CYP2A7: variants seen among roughly 807,000 people sequenced by gnomAD.
The protein encoded by CYP2A7 is cytochrome P450 family 2 subfamily A member 7.
Under a neutral mutation model 42.0 loss-of-function variants are expected in CYP2A7, and 36 were observed. That is an observed-to-expected ratio of 0.86 (90% CI 0.66 to 1.13). The LOEUF is 1.13. Among genes scored for constraint, CYP2A7 ranks in the 50% most tolerant of loss-of-function variants. The pLI, the probability that CYP2A7 is intolerant of heterozygous loss-of-function variation, is 0.00. For missense variants in CYP2A7, 661 were observed against 634.1 expected (o/e 1.04, Z -0.46); for synonymous variants, 260 against 249.5 (o/e 1.04, Z -0.40).
Position 40,880,248 on chromosome 19 carries a change from C to T in CYP2A7, c.494-4G>A, listed in dbSNP as rs758503022. Reference sequence around the variant, plus strand: ...AAGGTGGGATCGATATTGGCGCCTGCGGGTGTGGAGGGAGAAGGGGGTTGG... The same window carrying T: ...AAGGTGGGATCGATATTGGCGCCTGTGGGTGTGGAGGGAGAAGGGGGTTGG... On this transcript the variant is annotated splice_polypyrimidine_tract_variant and splice_region_variant and intron_variant, in intron 3 of 8. Coordinates refer to ENST00000301146, the MANE Select transcript of CYP2A7 (RefSeq NM_000764.3). 9.3e-6 allele frequency: 15 copies of T among 1,612,100 alleles called. No homozygotes were observed. The highest frequency in any genetic ancestry group is 4.5e-5 in the East Asian group (2 of 44,856).
Position 40,875,965 on chromosome 19 carries a change from G to A in CYP2A7, c.1304-91C>T, listed in dbSNP as rs1908048178. On this transcript the variant is annotated intron_variant, in intron 8 of 8. Transcript: ENST00000301146. ...GACCTCCAGCTGCGGCTCTCCCAGGGAGGAGGGGTGGAATATTATGGCCTG... is the reference window on the plus strand; with the variant it reads ...GACCTCCAGCTGCGGCTCTCCCAGGAAGGAGGGGTGGAATATTATGGCCTG... The A allele has an allele frequency of 8.1e-6, 12 of 1,484,022 alleles. No homozygotes were observed. In the South Asian group the frequency reaches 8.2e-5, roughly 10 times the overall value. The allele number at this position is 1,484,022 out of a possible 1,614,324, so 91.9% of individuals were successfully genotyped here.
Position 40,882,156 on chromosome 19 carries a change from C to A in CYP2A7, c.55G>T (p.Val19Phe). The change falls in exon 1 of 9, where the codon GTC (valine) becomes TTC (phenylalanine). Residue 19 changes from valine (V) to phenylalanine (F), a missense_variant. By Grantham distance (50) the Val-to-Phe change is conservative (BLOSUM62 -1). This residue lies in a region of CYP2A7 where 614 missense variants were observed against 552.4 expected (regional missense o/e 1.11). Coordinates refer to ENST00000301146, the MANE Select transcript of CYP2A7 (RefSeq NM_000764.3). The part of the protein sequence containing the change: ...VALLACLTVM[V>F]LMSVWQQRKS... ...CTCTGCTGCCAGACAGACATCAAGA[C>A]CATCACAGTCAGGCAGGCCAGCAAG... 1 of 1,613,976 alleles carries A rather than the reference C, an allele frequency of 6.2e-7. No individual in the cohort carries two copies. The highest frequency in any genetic ancestry group is 1.3e-5 in the African/African-American group (1 of 75,022).
intron 7 of CYP2A7, 200 bp downstream of exon 7, chr19:40,876,990 C>A: frequency 1.5e-6 from 1 of 676,044 alleles, no homozygotes. Flanking sequence ...TTGATTCTCC[C>A]GACACAAAGA....
Position 40,881,619 on chromosome 19 carries a change from C to T in CYP2A7, c.313G>A (p.Ala105Thr). ...CCTTTGAAGACCCAGTCGAAGGTGG[C>T]TTGCTCGCCTCGCCCGCTGAACTCC... ...AEEFSGRGEQ[A>T]TFDWVFKGYG... Residue 105 changes from alanine to threonine, a missense_variant, in exon 2 of 9, where the codon GCC becomes ACC. Physicochemically the swap from Ala to Thr is moderately conservative, Grantham distance 58. This residue lies in a region of CYP2A7 where 614 missense variants were observed against 552.4 expected (regional missense o/e 1.11). Coordinates refer to ENST00000301146, the MANE Select transcript of CYP2A7 (RefSeq NM_000764.3). The T allele has an allele frequency of 6.2e-7, 1 of 1,612,438 alleles. No homozygotes were observed. Among genetic ancestry groups the T allele is most frequent in the South Asian group, 1.1e-5 (1 of 90,960 alleles).
rs1458100034 is a variant in CYP2A7, at chr19:40,880,710, G to A, written c.344-82C>T. 4 of 1,476,372 alleles carry A rather than the reference G, an allele frequency of 2.7e-6. 1 individual carries two copies. Among genetic ancestry groups the A allele is most frequent in the Non-Finnish European group, 3.6e-6 (4 of 1,099,944 alleles). 91.5% of individuals were successfully genotyped at this position (1,476,372 alleles called of 1,614,324 possible). A position where few individuals can be genotyped will look rare whatever the true frequency, so the allele number is the denominator to read the frequency against. On this transcript the variant is annotated intron_variant, in intron 2 of 8. Coordinates refer to ENST00000301146, the MANE Select transcript of CYP2A7 (RefSeq NM_000764.3). ...GACCAGTTCCAAGGGGCTCCCCAAG[G>A]GTGGAGCAGAGGGGTAGTGGGGTGG... is the stretch of plus-strand genomic sequence containing the variant.
chr19:40,877,762 T>C lies in CYP2A7; in HGVS notation c.973+90A>G, dbSNP rs574506125. On this transcript the variant is annotated intron_variant, in intron 6 of 8. Transcript: ENST00000301146. Reference sequence around the variant, plus strand: ...GACAGCAAGGCACGTCTCAGGGTCCTGGGATCTGGGACAGGTAGGGACATT... The same window carrying C: ...GACAGCAAGGCACGTCTCAGGGTCCCGGGATCTGGGACAGGTAGGGACATT... 159 of 1,517,368 alleles carry C rather than the reference T, an allele frequency of 1.0e-4. 3 individuals are homozygous for C. Among genetic ancestry groups the C allele is most frequent in the Admixed American group, 9.2e-4 (42 of 45,520 alleles). 94.0% of individuals were successfully genotyped at this position (1,517,368 alleles called of 1,614,324 possible).
chr19:40,878,881 G>A lies in CYP2A7; in HGVS notation c.710C>T (p.Ala237Val). 3 of 1,610,298 alleles carry A rather than the reference G, an allele frequency of 1.9e-6. No homozygotes were observed. Among genetic ancestry groups the A allele is most frequent in the African/African-American group, 1.3e-5 (1 of 74,934 alleles). The change falls in exon 5 of 9, where the codon GCC (alanine) becomes GTC (valine). Residue 237 changes from alanine to valine, a missense_variant. By Grantham distance (64) the Ala-to-Val change is moderately conservative. Around this residue, in one of 3 missense-constraint regions of CYP2A7, gnomAD observed 614 missense variants for 552.4 expected, o/e 1.11. Transcript: ENST00000301146. ...MKHLPGPQQQ[A>V]FKLLQGLEDF... Reference sequence around the variant, plus strand: ...CTCCAGCCCTTGCAGCAACTTAAAGGCCTGTTGCTGTGGTCCTGGCAGGTG... The same window carrying A: ...CTCCAGCCCTTGCAGCAACTTAAAGACCTGTTGCTGTGGTCCTGGCAGGTG...
Position 40,880,405 on chromosome 19 carries a change from G to T in CYP2A7, c.493+74C>A. The T allele has an allele frequency of 1.9e-6, 3 of 1,573,710 alleles. 1 individual carries two copies. Among genetic ancestry groups the T allele is most frequent in the Non-Finnish European group, 2.6e-6 (3 of 1,155,810 alleles). On this transcript the variant is annotated intron_variant, in intron 3 of 8. Coordinates refer to ENST00000301146, the MANE Select transcript of CYP2A7 (RefSeq NM_000764.3). ...TTTCCCCACCTAGTCCCCATCCGCA[G>T]GCAGAACGCGCGCGGGTTCCTCGTC... is the stretch of plus-strand genomic sequence containing the variant.
chr19:40,877,489 T>C lies in CYP2A7; in HGVS notation c.974-112A>G, dbSNP rs958320157. Reference sequence around the variant, plus strand: ...TACGGCTCCCCCTATGAGACGGAGGTAGAGCATTCATAACAGAACAGACAT... The same window carrying C: ...TACGGCTCCCCCTATGAGACGGAGGCAGAGCATTCATAACAGAACAGACAT... On this transcript the variant is annotated intron_variant, in intron 6 of 8. Transcript: ENST00000301146. 5.4e-6 allele frequency: 8 copies of C among 1,473,870 alleles called. 1 individual carries two copies. Among genetic ancestry groups the C allele is most frequent in the Non-Finnish European group, 7.4e-6 (8 of 1,087,784 alleles). The allele number at this position is 1,473,870 out of a possible 1,614,324, so 91.3% of individuals were successfully genotyped here.
Position 40,875,515 on chromosome 19 carries a change from G to A in CYP2A7, c.*178C>T. ...TTTCCCTTCCTCTCATCCCAGCTCG[G>A]AAGCACCTTATCAAGGTGAACTGAG... On this transcript the variant is annotated 3_prime_UTR_variant, in exon 9 of 9. Transcript: ENST00000301146. The A allele has an allele frequency of 1.4e-6, 1 of 695,550 alleles. No homozygotes were observed. Among genetic ancestry groups the A allele is most frequent in the Non-Finnish European group, 2.4e-6 (1 of 411,124 alleles). 43.1% of individuals were successfully genotyped at this position (695,550 alleles called of 1,614,324 possible).
At position 40,877,310 on chromosome 19, in the gene CYP2A7, G is replaced by T. The variant is rs2302986; in HGVS notation, c.1041C>A (p.Thr347=). ...TCACTGCCTCCATGTAGGGCATCTT[G>T]GTCCGGTCCTCAAACTTGGGCTGCC... ...KNRQPKFEDR[T]KMPYMEAVIH... Residue 347 remains threonine, a synonymous_variant, in exon 7 of 9, where the codon ACC becomes ACA. Coordinates refer to ENST00000301146, the MANE Select transcript of CYP2A7 (RefSeq NM_000764.3). The T allele has an allele frequency of 6.2e-7, 1 of 1,612,570 alleles. No individual in the cohort carries two copies. The highest frequency in any genetic ancestry group is 8.5e-7 in the Non-Finnish European group (1 of 1,179,110).
In CYP2A7 at chr19:40,878,941, G is replaced by T; in HGVS notation, c.655-5C>A. On this transcript the variant is annotated splice_polypyrimidine_tract_variant and splice_region_variant and intron_variant, in intron 4 of 8. Transcript: ENST00000301146. ...CGAAGAGAACATCTCATAGAGCTGG[G>T]GTTGCAGAGAGAGGATGGGAAGGGA... 6.2e-7 allele frequency: 1 copy of T among 1,605,302 alleles called. No homozygotes were observed. The highest frequency in any genetic ancestry group is 1.1e-5 in the South Asian group (1 of 90,444).
chr19:40,881,885 G>T lies in CYP2A7; in HGVS notation c.181-134C>A, dbSNP rs1352554101. On this transcript the variant is annotated intron_variant, in intron 1 of 8. Transcript: ENST00000301146. ...AGGGAGCTGGACATCCCAAGATCCT[G>T]TCTTTCCTGGCTAGGACCCGGATGC... 3 of 1,508,358 alleles carry T rather than the reference G, an allele frequency of 2.0e-6. No individual in the cohort carries two copies. In the African/African-American group the frequency reaches 4.2e-5, roughly 21 times the overall value. 93.4% of individuals were successfully genotyped at this position (1,508,358 alleles called of 1,614,324 possible). A position where few individuals can be genotyped will look rare whatever the true frequency, so the allele number is the denominator to read the frequency against.
intron 4 of CYP2A7, 102 bp downstream of exon 4, chr19:40,879,982 A>G (rs1967615428): frequency 2.6e-6 from 4 of 1,550,512 alleles, no homozygotes; most frequent in Non-Finnish European, 3.5e-6. Flanking sequence ...TTGAGGGGAC[A>G]CTGTCTGGAG....
rs3815710 is a variant in CYP2A7 at position 40,880,589 on chromosome 19, A to T, written c.383T>A (p.Leu128Gln). The change falls in exon 3 of 9, where the codon CTG (leucine) becomes CAG (glutamine). Residue 128 changes from leucine (L) to glutamine (Q), a missense_variant. Leu to Gln is a moderately radical substitution (Grantham distance 113). Around this residue, in one of 3 missense-constraint regions of CYP2A7, gnomAD observed 614 missense variants for 552.4 expected, o/e 1.11. Transcript: ENST00000301146. ...CCTCAGGGTGGCGATGGCAAAGCGC[A>T]GGAGCTGCTTGGCGCGCTCCCCGTT... ...FSNGERAKQL[L>Q]RFAIATLRDF... 4 of 1,381,272 alleles carry T rather than the reference A, an allele frequency of 2.9e-6. No individual in the cohort carries two copies. The highest frequency in any genetic ancestry group is 2.7e-5 in the East Asian group (1 of 37,368). The allele number at this position is 1,381,272 out of a possible 1,614,324, so 85.6% of individuals were successfully genotyped here. A position where few individuals can be genotyped will look rare whatever the true frequency, so the allele number is the denominator to read the frequency against.
At position 40,880,159 on chromosome 19, in the gene CYP2A7, A is replaced by G. The variant is rs759177693; in HGVS notation, c.579T>C (p.Tyr193=). The change falls in exon 4 of 9, where the codon TAT becomes TAC. Residue 193 remains tyrosine (Y), a synonymous_variant. Transcript: ENST00000301146. ...GCAGTGACAGGAACTCTTTGTCCTC[A>G]TAGTCAAAGCGGTCCCCAAAGACAA... is the stretch of plus-strand genomic sequence containing the variant. The part of the protein sequence containing the change: ...SSIVFGDRFD[Y]EDKEFLSLLS... 2.5e-6 allele frequency: 4 copies of G among 1,612,886 alleles called. 1 individual carries two copies. Among genetic ancestry groups the G allele is most frequent in the African/African-American group, 2.7e-5 (2 of 74,852 alleles).
rs572667593 is a variant in CYP2A7 at position 40,880,770 on chromosome 19, G to T, written c.344-142C>A. On this transcript the variant is annotated intron_variant, in intron 2 of 8. Transcript: ENST00000301146. ...GGATTCAGTGCCAGTGCCCAGGACA[G>T]GTGCAAACTCAGTCAGAGAAACACG... The T allele has an allele frequency of 7.3e-4, 110 of 151,386 alleles. 18 individuals are homozygous for T. The Admixed American group carries it at 7.3e-3, about 10-fold the overall frequency. 9.4% of individuals were successfully genotyped at this position (151,386 alleles called of 1,614,324 possible).
intron 2 of CYP2A7, 126 bp from the exon 3 acceptor site, chr19:40,880,754 G>C: frequency 1.6e-6 from 1 of 609,798 alleles, no homozygotes; most frequent in East Asian, 3.5e-5. Flanking sequence ...TGGATTCAGT[G>C]CCAGTGCCCA....
chr19:40,879,788 G>A (rs1967612246), intron 4 of CYP2A7, among the ~76,000 whole-genome samples: 1 of 150,992 alleles, frequency 6.6e-6, no homozygotes, highest in Non-Finnish European at 1.5e-5. Flanking sequence ...ACTGGGTAGG[G>A]AGCATCTGTT....
Sources: gnomAD v4.1 joint callset for allele counts (sites outside exome capture counted in the v4.1 genomes callset) on GRCh38, gnomAD v4.1.1 for gene constraint, gnomAD v4.1.1 regional missense constraint, MANE v1.5 for transcripts, NCBI Gene and HGNC (gene_info 2026-07-23, HGNC 2026-07-21) for gene names.